SEC24C: variants seen among roughly 807,000 people sequenced by gnomAD.
The protein encoded by SEC24C is SEC24 homolog C, COPII component.
SEC24C carries 22 observed loss-of-function variants against 117.0 expected under a neutral mutation model. That is an observed-to-expected ratio of 0.19 (90% CI 0.13 to 0.27). SEC24C has a LOEUF of 0.27. Among genes scored for constraint, SEC24C ranks in the 10% least tolerant of loss-of-function variants. The pLI, the probability that SEC24C is intolerant of heterozygous loss-of-function variation, is 1.00. For synonymous variants in SEC24C, 506 were observed against 529.4 expected (o/e 0.96, Z 0.61); for missense variants, 1,155 against 1,375.1 (o/e 0.84, Z 2.53).
Position 73,768,814 on chromosome 10 carries a change from A to T in SEC24C, c.2186A>T (p.Glu729Val), listed in dbSNP as rs1484072592. 2.5e-6 allele frequency: 4 copies of T among 1,613,052 alleles called. No homozygotes were observed. Among genetic ancestry groups the T allele is most frequent in the Non-Finnish European group, 3.4e-6 (4 of 1,180,002 alleles). The change falls in exon 16 of 23, where the codon GAG becomes GTG. Residue 729 changes from glutamate to valine, a missense_variant. Glu to Val is a moderately radical substitution (Grantham distance 121). Transcript: ENST00000345254. ...SVYKYASFQV[E>V]NDQERFLSDL... ...TCTGGACCTGGGGGCCTGCAGGTGG[A>T]GAACGACCAGGAGCGGTTCCTGAGT...
chr10:73,760,453 TTTTA>T, intron 5 of SEC24C, 67 bp downstream of exon 5: 1 of 1,493,118 alleles, frequency 6.7e-7, no homozygotes, highest in East Asian at 2.3e-5. Context: ...TTTTGATGTT[TTTTA>T]TTTGTTTGTT....
chr10:73,747,323 C>T (rs1372343143), intron 2 of SEC24C, among the ~76,000 whole-genome samples: 2 of 151,984 alleles, frequency 1.3e-5, no homozygotes, highest in African/African-American at 4.8e-5. Flanking sequence ...GCTGGGATTA[C>T]AGGCATGCAC....
intron 2 of SEC24C, among the ~76,000 whole-genome samples, chr10:73,750,691 CG>C (rs1322119120): frequency 6.6e-6 from 1 of 152,164 alleles, no homozygotes; most frequent in African/African-American, 2.4e-5. Flanking sequence ...AGCCTAGTTC[CG>C]TATATTACTT....
At chr10:73,751,345 G>A in intron 3 of SEC24C, 102 bp downstream of exon 3, 11 of 1,165,676 alleles carry the variant, frequency 9.4e-6, no homozygotes, top group Non-Finnish European at 1.3e-5. Context: ...TGGATCACCT[G>A]AGGTCAGGAG....
intron 3 of SEC24C, among the ~76,000 whole-genome samples, chr10:73,756,102 T>A (rs1334526233): frequency 6.6e-6 from 1 of 152,180 alleles, no homozygotes; most frequent in Non-Finnish European, 1.5e-5. Context: ...ACCGCCCACC[T>A]TGGCCTCCCA....
chr10:73,760,778 T>C lies in SEC24C; in HGVS notation c.916T>C (p.Phe306Leu). Residue 306 changes from phenylalanine to leucine, a missense_variant, in exon 6 of 23, where the codon TTT becomes CTT. By Grantham distance (22) the Phe-to-Leu change is conservative. Coordinates refer to ENST00000345254, the MANE Select transcript of SEC24C (RefSeq NM_198597.3). ...YGGPYPAAPT[F>L]GSQPGPPQPL... ...AGGCCCCTACCCAGCAGCACCCACC[T>C]TTGGCAGTCAGCCTGGGCCTCCTCA... 1.2e-6 allele frequency: 2 copies of C among 1,614,020 alleles called. No individual in the cohort carries two copies.
intron 1 of SEC24C, chr10:73,746,538 C>T: frequency 4.0e-6 from 1 of 252,900 alleles, no homozygotes; most frequent in Non-Finnish European, 7.5e-6. Flanking sequence ...GGCTGCTGCT[C>T]CATTTCAGTG....
Position 73,757,206 on chromosome 10 carries a change from A to G in SEC24C, c.309-2416A>G, listed in dbSNP as rs148485544. Among the ~76,000 whole-genome samples the G allele has an allele frequency of 0.036, 5,121 of 141,250 alleles. 807 individuals carry two copies. In the East Asian group the frequency reaches 0.49, roughly 13 times the overall value. 92.7% of individuals were successfully genotyped at this position (141,250 alleles called of 152,430 possible). ...TGGGATTACAGGCATGAGCCACTGC[A>G]CCTGGCCTAATTTTTTTTTTTTTTA... On this transcript the variant is annotated intron_variant, in intron 3 of 22. Transcript: ENST00000345254.
intron 1 of SEC24C, 171 bp from the exon 2 acceptor site, chr10:73,746,634 T>C (rs572468297): frequency 2.1e-6 from 1 of 474,306 alleles, no homozygotes; most frequent in Non-Finnish European, 3.7e-6. Context: ...TTTTAGGAGA[T>C]AATCTGAATG....
At chr10:73,766,940 T>C (rs2082893696) in intron 13 of SEC24C, 87 bp downstream of exon 13, 3 of 1,407,634 alleles carry the variant, frequency 2.1e-6, no homozygotes, top group African/African-American at 2.8e-5. Context: ...CTTTCTTCAG[T>C]AGTGGGTGAC....
chr10:73,762,471 G>T (rs577618333), intron 6 of SEC24C, among the ~76,000 whole-genome samples: 2 of 152,292 alleles, frequency 1.3e-5, no homozygotes, highest in South Asian at 4.1e-4. Flanking sequence ...CCAGGAGCCT[G>T]CAGGTGATGT....
intron 21 of SEC24C, 90 bp from the exon 22 acceptor site, chr10:73,770,619 C>A: frequency 6.6e-7 from 1 of 1,523,486 alleles, no homozygotes; most frequent in Non-Finnish European, 9.1e-7. Context: ...CCAGGTTTGC[C>A]TGTTTCAGAT....
At chr10:73,759,931 C>T in intron 4 of SEC24C, 87 bp from the exon 5 acceptor site, 1 of 1,498,290 alleles carries the variant, frequency 6.7e-7, no homozygotes, top group South Asian at 1.3e-5. Flanking sequence ...GTCATATTTG[C>T]CCCTCTTGTG....
At chr10:73,748,842 A>G (rs1337356928) in intron 2 of SEC24C, among the ~76,000 whole-genome samples, 1 of 152,080 alleles carries the variant, frequency 6.6e-6, no homozygotes, top group Non-Finnish European at 1.5e-5. Context: ...TCCCAGGTTC[A>G]AGTGATTCTC....
chr10:73,755,347 C>T (rs2082694611), intron 3 of SEC24C, among the ~76,000 whole-genome samples: 1 of 152,016 alleles, frequency 6.6e-6, no homozygotes, highest in African/African-American at 2.4e-5. Flanking sequence ...AAGGCAGTTT[C>T]AGTGTAGAGA....
chr10:73,760,694 C>T lies in SEC24C; in HGVS notation c.851-19C>T. 4 of 1,572,144 alleles carry T rather than the reference C, an allele frequency of 2.5e-6. No individual in the cohort carries two copies. The highest frequency in any genetic ancestry group is 2.3e-5 in the East Asian group (1 of 44,230). On this transcript the variant is annotated intron_variant, in intron 5 of 22. Coordinates refer to ENST00000345254, the MANE Select transcript of SEC24C (RefSeq NM_198597.3). Reference sequence around the variant, plus strand: ...AGGGATGGGATTTTGAGTTCATCAACCTTGTGTCCTTGTCTCAGGTTCCTT... The same window carrying T: ...AGGGATGGGATTTTGAGTTCATCAATCTTGTGTCCTTGTCTCAGGTTCCTT...
Position 73,769,723 on chromosome 10 carries a change from C to T in SEC24C, c.2672C>T (p.Ser891Phe), listed in dbSNP as rs774045141. 2 of 1,613,958 alleles carry T rather than the reference C, an allele frequency of 1.2e-6. No individual in the cohort carries two copies. The highest frequency in any genetic ancestry group is 8.5e-7 in the Non-Finnish European group (1 of 1,179,792). ...CYRKNCASPS[S>F]AGQLILPECM... ...AGAAAGAACTGTGCTAGCCCCTCCT[C>T]TGCAGGACAGGTGGGGCAAGTATAT... The change falls in exon 19 of 23, where the codon TCT (serine) becomes TTT (phenylalanine). Residue 891 changes from serine to phenylalanine, a missense_variant. By Grantham distance (155) the Ser-to-Phe change is radical. This residue lies in a region of SEC24C where 759 missense variants were observed against 992.3 expected (regional missense o/e 0.76). Coordinates refer to ENST00000345254, the MANE Select transcript of SEC24C (RefSeq NM_198597.3). This position sits in a 1 kb window ranked among gnomAD's most constrained non-coding sequence, Gnocchi z 4.5.
chr10:73,769,289 G>GTAGCAAA lies in SEC24C; in HGVS notation c.2425-57_2425-51dup, dbSNP rs1363953269. Reference sequence around the variant, plus strand: ...CATTTCTCTCTTCCAGTTTAATAGTGTAGCAAAGGGCCTTTGTGAGGGAGG... The same window carrying GTAGCAAA: ...CATTTCTCTCTTCCAGTTTAATAGTGTAGCAAATAGCAAAGGGCCTTTGTGAGGGAGG... On this transcript the variant is annotated intron_variant, in intron 17 of 22. Coordinates refer to ENST00000345254, the MANE Select transcript of SEC24C (RefSeq NM_198597.3). The surrounding 1 kb of genome is among the most constrained non-coding windows in gnomAD (Gnocchi z 4.5). The GTAGCAAA allele has an allele frequency of 2.5e-5, 40 of 1,603,476 alleles. No homozygotes were observed. In the African/African-American group the frequency reaches 4.7e-4, roughly 19 times the overall value.
At chr10:73,749,020 A>G (rs1032555757) in intron 2 of SEC24C, among the ~76,000 whole-genome samples, 2 of 152,152 alleles carry the variant, frequency 1.3e-5, no homozygotes, top group African/African-American at 2.4e-5. Context: ...TAGGATTACA[A>G]ACGTAAGCCA....
Sources: gnomAD v4.1 joint callset for allele counts (sites outside exome capture counted in the v4.1 genomes callset) on GRCh38, gnomAD v4.1.1 for gene constraint, gnomAD v4.1.1 regional missense constraint, Gnocchi (gnomAD v3.1) non-coding constraint, MANE v1.5 for transcripts, NCBI Gene and HGNC (gene_info 2026-07-23, HGNC 2026-07-21) for gene names.